The following RPE variants were observed in gnomAD, a reference collection of about 807,000 sequenced individuals.
RPE encodes the protein ribulose-phosphate 3-epimerase.
Under a neutral mutation model 24.6 loss-of-function variants are expected in RPE, and 16 were observed. The ratio of observed to expected loss-of-function variants is 0.65; its 90% CI spans 0.44 to 0.99. RPE has a LOEUF of 0.99. RPE is among the 50% of genes least tolerant of loss of function. The pLI, the probability that RPE is intolerant of heterozygous loss-of-function variation, is 0.00. For synonymous variants in RPE, 93 were observed against 98.4 expected, an observed-to-expected ratio of 0.94 and a Z score of 0.33; for missense variants, 240 against 294.5, an observed-to-expected ratio of 0.81 and a Z score of 1.35.
chr2:210,003,621 T>C (rs1035530683), intron 1 of RPE, among the ~76,000 whole-genome samples: 3 of 152,314 alleles, frequency 2.0e-5, no homozygotes, highest in Middle Eastern at 3.4e-3. Context: ...GACTTGCAAC[T>C]TGGCTCTTCC....
chr2:210,010,425 A>AT (rs1324795925), intron 2 of RPE, among the ~76,000 whole-genome samples: 1 of 151,974 alleles, frequency 6.6e-6, no homozygotes, highest in Non-Finnish European at 1.5e-5. Flanking sequence ...AGTGTTATTT[A>AT]TTTTTTTCTT....
At chr2:210,008,357 G>A (rs916228422) in intron 1 of RPE, among the ~76,000 whole-genome samples, 2 of 147,588 alleles carry the variant, frequency 1.4e-5, no homozygotes, top group African/African-American at 2.5e-5. Context: ...GTGCAGTGGC[G>A]TGATCTCAGC....
In RPE at chr2:210,017,496, C is replaced by G; in HGVS notation, c.501C>G (p.Phe167Leu). ...MPKVHWLRTQ[F>L]PSLDIEVDGG... ...AGGTTCACTGGTTGAGGACCCAGTT[C>G]CCATCTTTGGATATAGAGGTCGATG... The change falls in exon 5 of 6, where the codon TTC becomes TTG. Residue 167 changes from phenylalanine to leucine, a missense_variant. Physicochemically the swap from Phe to Leu is conservative, Grantham distance 22. Transcript: ENST00000359429. The G allele has an allele frequency of 7.0e-7, 1 of 1,436,204 alleles. No individual in the cohort carries two copies. The highest frequency in any genetic ancestry group is 9.3e-7 in the Non-Finnish European group (1 of 1,073,026). The allele number at this position is 1,436,204 out of a possible 1,614,324, so 89.0% of individuals were successfully genotyped here.
intron 5 of RPE, chr2:210,018,069 A>T (rs779788072): frequency 7.3e-7 from 1 of 1,374,546 alleles, no homozygotes; most frequent in Non-Finnish European, 9.8e-7. Context: ...CTAAAATCAC[A>T]TAAATTGTTA....
chr2:210,016,425 T>C (rs1331974462), intron 3 of RPE, 82 bp from the exon 4 acceptor site: 14 of 1,593,040 alleles, frequency 8.8e-6, no homozygotes, highest in Non-Finnish European at 1.1e-5. Flanking sequence ...AGAACAGATA[T>C]TTCTACTGGG....
intron 1 of RPE, among the ~76,000 whole-genome samples, chr2:210,003,753 C>T (rs1308457807): frequency 6.6e-6 from 1 of 152,066 alleles, no homozygotes; most frequent in Non-Finnish European, 1.5e-5. Context: ...CCCTGTGTTC[C>T]CTCATTCAGT....
rs955341489 is a variant in RPE at position 210,019,556 on chromosome 2, C to T, written c.565-113C>T. On this transcript the variant is annotated intron_variant, in intron 5 of 5. Transcript: ENST00000359429. ...GTCTGCTTAATCTCAAAGTGGCTCT[C>T]ATATGATTGAAATGTTGACAGATGC... 3.1e-6 allele frequency: 4 copies of T among 1,290,288 alleles called. No individual in the cohort carries two copies. The African/African-American group carries it at 4.5e-5, about 14-fold the overall frequency. The allele number at this position is 1,290,288 out of a possible 1,614,324, so 79.9% of individuals were successfully genotyped here.
intron 2 of RPE, among the ~76,000 whole-genome samples, chr2:210,010,939 A>C (rs565388087): frequency 6.6e-6 from 1 of 152,282 alleles, no homozygotes; most frequent in East Asian, 1.9e-4. Flanking sequence ...ATTTTTTTTA[A>C]ATTAAATAAC....
intron 5 of RPE, chr2:210,017,921 T>C: frequency 1.9e-6 from 1 of 532,046 alleles, no homozygotes; most frequent in Non-Finnish European, 3.3e-6. Flanking sequence ...ATTTTTTTAT[T>C]TTTAGTAGAG....
At chr2:210,017,053 A>C (rs755751084) in intron 4 of RPE, among the ~76,000 whole-genome samples, 1 of 152,164 alleles carries the variant, frequency 6.6e-6, no homozygotes, top group African/African-American at 2.4e-5. Context: ...CTACGTACCC[A>C]GGCTGGTCTT....
At chr2:210,008,996 G>A (rs962055188) in intron 1 of RPE, among the ~76,000 whole-genome samples, 9 of 152,234 alleles carry the variant, frequency 5.9e-5, no homozygotes, top group African/African-American at 2.2e-4. Context: ...GTGCCTGGCT[G>A]GTAGACTTAA....
At chr2:210,005,061 G>A (rs1426010437) in intron 1 of RPE, among the ~76,000 whole-genome samples, 2 of 152,190 alleles carry the variant, frequency 1.3e-5, no homozygotes, top group African/African-American at 4.8e-5. Context: ...GGAAACCAGT[G>A]TAGGGAGATT....
chr2:210,021,813 T>C lies in RPE; in HGVS notation c.*2022T>C, dbSNP rs1052863512. On this transcript the variant is annotated 3_prime_UTR_variant, in exon 6 of 6. Transcript: ENST00000359429. ...TAATAGCTTCAAAAGGAATTTTCTT[T>C]CATGTATACTCTTCAGTATCCAATA... The C allele has an allele frequency of 6.6e-6, 1 of 151,592 alleles. No homozygotes were observed. The highest frequency in any genetic ancestry group is 1.5e-5 in the Non-Finnish European group (1 of 67,828). 9.4% of individuals were successfully genotyped at this position (151,592 alleles called of 1,614,324 possible).
chr2:210,019,414 G>A (rs1340937409), intron 5 of RPE, among the ~76,000 whole-genome samples: 1 of 152,162 alleles, frequency 6.6e-6, no homozygotes, highest in Non-Finnish European at 1.5e-5. Context: ...ATACCATGTA[G>A]ATTATTAAGA....
At chr2:210,016,295 A>G (rs767627860) in intron 3 of RPE, 183 bp downstream of exon 3, 101 of 1,606,848 alleles carry the variant, frequency 6.3e-5, no homozygotes, top group Admixed American at 3.4e-5. Context: ...TTCTTCAGCT[A>G]TGATGCCAGG....
intron 2 of RPE, among the ~76,000 whole-genome samples, chr2:210,013,413 G>A (rs2093727786): frequency 6.6e-6 from 1 of 150,756 alleles, no homozygotes; most frequent in African/African-American, 2.4e-5. Context: ...ATGGGCTCCA[G>A]CAGTCCTCCC....
Position 210,019,808 on chromosome 2 carries a change from G to A in RPE, c.*17G>A. 1 of 1,607,088 alleles carries A rather than the reference G, an allele frequency of 6.2e-7. No individual in the cohort carries two copies. Among genetic ancestry groups the A allele is most frequent in the Non-Finnish European group, 8.5e-7 (1 of 1,176,698 alleles). The stretch of plus-strand genomic sequence containing the variant: ...GATCGGTGAAACCATAAGGAGCCCA[G>A]TGTTCCTGTTCATGAAATCTCCCTT... On this transcript the variant is annotated 3_prime_UTR_variant, in exon 6 of 6. Transcript: ENST00000359429.
In RPE at chr2:210,019,653, T is replaced by C; in HGVS notation, c.565-16T>C. 6.2e-7 allele frequency: 1 copy of C among 1,611,446 alleles called. No homozygotes were observed. On this transcript the variant is annotated splice_polypyrimidine_tract_variant and intron_variant, in intron 5 of 5. Coordinates refer to ENST00000359429, the MANE Select transcript of RPE (RefSeq NM_199229.3). ...ATTTTCCTTTGAGGCATAACCTAAC[T>C]GTTTACTTCTTCCAGGCAGGAGCTA...
At chr2:210,013,564 A>G in intron 2 of RPE, among the ~76,000 whole-genome samples, 1 of 152,114 alleles carries the variant, frequency 6.6e-6, no homozygotes, top group East Asian at 1.9e-4. Context: ...CTCCCTCCTC[A>G]GCCTCCTAAG....
Sources: gnomAD v4.1 joint callset for allele counts (sites outside exome capture counted in the v4.1 genomes callset) on GRCh38, gnomAD v4.1.1 for gene constraint, MANE v1.5 for transcripts, NCBI Gene and HGNC (gene_info 2026-07-23, HGNC 2026-07-21) for gene names.